TMF1: variants seen among roughly 807,000 people sequenced by gnomAD.
TMF1 encodes TATA element modulatory factor 1.
Under a neutral mutation model 126.5 loss-of-function variants are expected in TMF1, and 71 were observed. The ratio of observed to expected loss-of-function variants is 0.56; its 90% CI spans 0.46 to 0.68. The LOEUF (loss-of-function observed/expected upper bound fraction) is 0.68, where lower values mean the gene tolerates loss of function less well. Among genes scored for constraint, TMF1 ranks in the 30% least tolerant of loss-of-function variants. The probability of loss-of-function intolerance (pLI) is 0.00; values close to 1 mark genes in which losing one functional copy is unlikely to be tolerated. For missense variants in TMF1, 1,259 were observed against 1,253.2 expected (o/e 1.00, Z -0.07); for synonymous variants, 461 against 430.5 (o/e 1.07, Z -0.88).
rs1365641096 is a variant in TMF1 at position 69,021,902 on chromosome 3, T to C, written c.*1275A>G. 6.6e-6 allele frequency: 1 copy of C among 152,302 alleles called. No homozygotes were observed. Among genetic ancestry groups the C allele is most frequent in the African/African-American group, 2.4e-5 (1 of 41,458 alleles). 9.4% of individuals were successfully genotyped at this position (152,302 alleles called of 1,614,324 possible). A position where few individuals can be genotyped will look rare whatever the true frequency, so the allele number is the denominator to read the frequency against. On this transcript the variant is annotated 3_prime_UTR_variant, in exon 17 of 17. Coordinates refer to ENST00000398559, the MANE Select transcript of TMF1 (RefSeq NM_007114.3). ...CACCAAACTGCTGGCCATGCTGGTCTTGAACTCCTGACATCAGGTGATATG... is the reference window on the plus strand; with the variant it reads ...CACCAAACTGCTGGCCATGCTGGTCCTGAACTCCTGACATCAGGTGATATG...
rs746320846 is a variant in TMF1, at chr3:69,035,143, A to G, written c.2152-28T>C. The G allele has an allele frequency of 1.1e-5, 17 of 1,568,330 alleles. No individual in the cohort carries two copies. The Admixed American group carries it at 2.8e-4, about 26-fold the overall frequency. On this transcript the variant is annotated intron_variant, in intron 8 of 16. Coordinates refer to ENST00000398559, the MANE Select transcript of TMF1 (RefSeq NM_007114.3). The stretch of plus-strand genomic sequence containing the variant: ...GTAGGAGGAGAAACAATACATTCAC[A>G]AACAATGGTACAGTATTATCTATAA...
rs367951399 is a variant in TMF1 at position 69,050,313 on chromosome 3, C to T, written c.142+1632G>A. Among the ~76,000 whole-genome samples the T allele has an allele frequency of 9.3e-5, 14 of 150,612 alleles. 1 individual carries two copies. The South Asian group carries it at 2.7e-3, about 29-fold the overall frequency. ...TATATATATGTAAATATATGTATGACTTCAAAGGCAGTTAGGATGAAAAGT... is the reference window on the plus strand; with the variant it reads ...TATATATATGTAAATATATGTATGATTTCAAAGGCAGTTAGGATGAAAAGT... On this transcript the variant is annotated intron_variant, in intron 1 of 16. Coordinates refer to ENST00000398559, the MANE Select transcript of TMF1 (RefSeq NM_007114.3).
rs763144368 is a variant in TMF1 at position 69,047,696 on chromosome 3, G to T, written c.1009C>A (p.Arg337=). 9 of 1,613,884 alleles carry T rather than the reference G, an allele frequency of 5.6e-6. No homozygotes were observed. In the Admixed American group the frequency reaches 1.5e-4, roughly 27 times the overall value. ...TCTGAATTGATTTCACTTACACTCC[G>T]GCTATCTAATGACTGTACACTAAAT... ...DSFSVQSLDS[R]SVSEINSDDE... Residue 337 remains arginine (R), a synonymous_variant, in exon 2 of 17, where the codon CGG becomes AGG. Coordinates refer to ENST00000398559, the MANE Select transcript of TMF1 (RefSeq NM_007114.3).
Position 69,034,911 on chromosome 3 carries a change from G to A in TMF1, c.2244+112C>T, listed in dbSNP as rs2055685. On this transcript the variant is annotated intron_variant, in intron 9 of 16. Coordinates refer to ENST00000398559, the MANE Select transcript of TMF1 (RefSeq NM_007114.3). Reference sequence around the variant, plus strand: ...AGCCACAAAAATTCAGCAAATGCTAGGTGTGACAGTAATCCTCTCAATTCC... The same window carrying A: ...AGCCACAAAAATTCAGCAAATGCTAAGTGTGACAGTAATCCTCTCAATTCC... The A allele has an allele frequency of 2.5e-3, 2,309 of 937,352 alleles. 36 individuals are homozygous for A. In the African/African-American group the frequency reaches 0.031, roughly 12 times the overall value. 58.1% of individuals were successfully genotyped at this position (937,352 alleles called of 1,614,324 possible).
At position 69,033,581 on chromosome 3, in the gene TMF1, C is replaced by T. The variant is rs781093992; in HGVS notation, c.2368G>A (p.Glu790Lys). 5 of 1,613,724 alleles carry T rather than the reference C, an allele frequency of 3.1e-6. No homozygotes were observed. Among genetic ancestry groups the T allele is most frequent in the Admixed American group, 1.7e-5 (1 of 59,934 alleles). ...ATLGSQTSSW[E>K]KLEKNLSDRL... ...TCAGAAAGATTCTTCTCTAATTTCTCCCACGACGATGTCTGGGATCCCAGG... is the reference window on the plus strand; with the variant it reads ...TCAGAAAGATTCTTCTCTAATTTCTTCCACGACGATGTCTGGGATCCCAGG... The change falls in exon 10 of 17, where the codon GAG becomes AAG. Residue 790 changes from glutamate (E) to lysine (K), a missense_variant. Coordinates refer to ENST00000398559, the MANE Select transcript of TMF1 (RefSeq NM_007114.3).
chr3:69,022,354 C>T lies in TMF1; in HGVS notation c.*823G>A, dbSNP rs548954468. The T allele has an allele frequency of 3.3e-5, 5 of 152,208 alleles. No homozygotes were observed. The highest frequency in any genetic ancestry group is 1.9e-4 in the East Asian group (1 of 5,184). 9.4% of individuals were successfully genotyped at this position (152,208 alleles called of 1,614,324 possible). A position where few individuals can be genotyped will look rare whatever the true frequency, so the allele number is the denominator to read the frequency against. On this transcript the variant is annotated 3_prime_UTR_variant, in exon 17 of 17. Coordinates refer to ENST00000398559, the MANE Select transcript of TMF1 (RefSeq NM_007114.3). ...ATTATGTTAAGAACTTTATTATTTT[C>T]GATTCATTTTATAGGGTAGTAAAAT...
intron 1 of TMF1, 122 bp downstream of exon 1, chr3:69,051,823 G>T: frequency 8.3e-7 from 1 of 1,203,850 alleles, no homozygotes; most frequent in Non-Finnish European, 1.1e-6. Context: ...ACGGGCCGGG[G>T]AGAAATTACT....
chr3:69,030,952 T>G (rs950696011), intron 10 of TMF1, among the ~76,000 whole-genome samples: 4 of 152,310 alleles, frequency 2.6e-5, no homozygotes, highest in Admixed American at 2.0e-4. Flanking sequence ...ACATGAATAT[T>G]CACAGTAGCT....
At chr3:69,026,126 A>G (rs1336285247) in intron 13 of TMF1, 29 bp from the exon 14 acceptor site, 2 of 1,438,128 alleles carry the variant, frequency 1.4e-6, no homozygotes, top group Non-Finnish European at 2.0e-6. Context: ...TTCTGTTCAT[A>G]TTAAAGAGCA....
chr3:69,020,467 T>C lies in TMF1; in HGVS notation c.*2710A>G, dbSNP rs1355744014. ...ACAACCTTCCCTTTGTTTACTCATT[T>C]TTTTATATTCTTGAAAATGTTATTT... On this transcript the variant is annotated 3_prime_UTR_variant, in exon 17 of 17. Coordinates refer to ENST00000398559, the MANE Select transcript of TMF1 (RefSeq NM_007114.3). The C allele has an allele frequency of 6.6e-6, 1 of 152,182 alleles. No individual in the cohort carries two copies. Among genetic ancestry groups the C allele is most frequent in the Non-Finnish European group, 1.5e-5 (1 of 67,992 alleles). 9.4% of individuals were successfully genotyped at this position (152,182 alleles called of 1,614,324 possible).
rs1559630869 is a variant in TMF1 at position 69,033,184 on chromosome 3, G to GGAA, written c.2401+363_2401+364insTTC. Among the ~76,000 whole-genome samples, 111 of 149,670 alleles carry GGAA rather than the reference G, an allele frequency of 7.4e-4. 2 individuals carry two copies. The highest frequency in any genetic ancestry group is 2.5e-3 in the African/African-American group (101 of 40,730). On this transcript the variant is annotated intron_variant, in intron 10 of 16. Coordinates refer to ENST00000398559, the MANE Select transcript of TMF1 (RefSeq NM_007114.3). ...AGCTACTCAGGAGGCTGAGGCAGGA[G>GGAA]AATTGTGTGAACCTGGGAGGCGGAG...
intron 3 of TMF1, 61 bp downstream of exon 3, chr3:69,044,431 G>A: frequency 3.3e-6 from 3 of 904,930 alleles, no homozygotes; most frequent in South Asian, 3.6e-5. Flanking sequence ...TCTTAAATAT[G>A]TACAAAGTAT....
In TMF1 at chr3:69,024,222, C is replaced by A. The variant is rs776588989; in HGVS notation, c.3013-42G>T. 8 of 1,462,634 alleles carry A rather than the reference C, an allele frequency of 5.5e-6. No individual in the cohort carries two copies. The East Asian group carries it at 7.7e-5, about 14-fold the overall frequency. The allele number at this position is 1,462,634 out of a possible 1,614,324, so 90.6% of individuals were successfully genotyped here. ...CAAAATAGTTTAAATCAAAACATATCTTTTTTAATACTCCCAGTAATATAA... is the reference window on the plus strand; with the variant it reads ...CAAAATAGTTTAAATCAAAACATATATTTTTTAATACTCCCAGTAATATAA... On this transcript the variant is annotated intron_variant, in intron 15 of 16. Transcript: ENST00000398559.
At chr3:69,027,748 G>T (rs984941581) in intron 13 of TMF1, 152 bp downstream of exon 13, 2 of 462,996 alleles carry the variant, frequency 4.3e-6, no homozygotes, top group Admixed American at 4.3e-5. Context: ...TTTGTGTTGG[G>T]CTTCATTCAA....
At chr3:69,043,655 T>A in intron 4 of TMF1, 95 bp downstream of exon 4, 1 of 1,204,906 alleles carries the variant, frequency 8.3e-7, no homozygotes, top group Non-Finnish European at 1.2e-6. Flanking sequence ...TTCACCTTAC[T>A]TCTCTTTTTT....
Position 69,048,140 on chromosome 3 carries a change from C to G in TMF1, c.565G>C (p.Val189Leu), listed in dbSNP as rs748705424. The G allele has an allele frequency of 7.4e-6, 12 of 1,614,062 alleles. No individual in the cohort carries two copies. In the African/African-American group the frequency reaches 1.3e-4, roughly 18 times the overall value. Reference sequence around the variant, plus strand: ...GATACTTTCAAACTTACAGTTGGCACCTTCATATCCGATTCTTTATTAACA... The same window carrying G: ...GATACTTTCAAACTTACAGTTGGCAGCTTCATATCCGATTCTTTATTAACA... Reference protein sequence around the residue: ...ETVNKESDMKVPTVSLKVSES... With the variant: ...ETVNKESDMKLPTVSLKVSES... Residue 189 changes from valine (V) to leucine (L), a missense_variant, in exon 2 of 17, where the codon GTG becomes CTG. By Grantham distance (32) the Val-to-Leu change is conservative (BLOSUM62 1). Transcript: ENST00000398559.
chr3:69,047,393 G>A lies in TMF1; in HGVS notation c.1312C>T (p.Pro438Ser), dbSNP rs2091901218. ...TCTTCCTTCTCAGAAAGTGCTTCTGGCTGACTTTCAGCAGGTTCACACTGC... is the reference window on the plus strand; with the variant it reads ...TCTTCCTTCTCAGAAAGTGCTTCTGACTGACTTTCAGCAGGTTCACACTGC... ...AEQCEPAESQ[P>S]EALSEKEDVC... Residue 438 changes from proline (P) to serine (S), a missense_variant, in exon 2 of 17, where the codon CCA becomes TCA. Transcript: ENST00000398559. The A allele has an allele frequency of 6.2e-7, 1 of 1,600,432 alleles. No homozygotes were observed. Among genetic ancestry groups the A allele is most frequent in the Non-Finnish European group, 8.5e-7 (1 of 1,172,362 alleles).
In TMF1 at chr3:69,047,517, A is replaced by G. The variant is rs1457787364; in HGVS notation, c.1188T>C (p.Ser396=). The change falls in exon 2 of 17, where the codon AGT becomes AGC. Residue 396 remains serine, a synonymous_variant. Transcript: ENST00000398559. ...AGTTAACAGGAGTTGCACTTCGTCC[A>G]CTTTCTTCCATTTCTGCTTCCTCAG... ...IPTEEAEMEE[S]GRSATPVNCE... The G allele has an allele frequency of 2.5e-6, 4 of 1,613,974 alleles. No individual in the cohort carries two copies. The highest frequency in any genetic ancestry group is 1.3e-5 in the African/African-American group (1 of 74,892).
intron 13 of TMF1, 61 bp downstream of exon 13, chr3:69,027,839 G>T: frequency 2.4e-6 from 2 of 845,718 alleles, no homozygotes; most frequent in Non-Finnish European, 3.8e-6. Flanking sequence ...AAAAAGCAAT[G>T]ATTAATCACA....
Sources: allele counts gnomAD v4.1 joint callset (sites outside exome capture counted in the v4.1 genomes callset), GRCh38; gene constraint gnomAD v4.1.1; transcripts MANE v1.5; gene names NCBI Gene and HGNC (gene_info 2026-07-23, HGNC 2026-07-21).